XKR6: variants seen among roughly 807,000 people sequenced by gnomAD.
XKR6 encodes the protein XK related 6.
In XKR6, 22 loss-of-function variants were observed where a neutral mutation model predicts 56.7. That is an observed-to-expected ratio of 0.39 (90% CI 0.28 to 0.55). The LOEUF (loss-of-function observed/expected upper bound fraction) is 0.55. Among genes scored for constraint, XKR6 ranks in the 20% least tolerant of loss-of-function variants. The pLI, the probability that XKR6 is intolerant of heterozygous loss-of-function variation, is 0.66. For synonymous variants in XKR6, 524 were observed against 387.8 expected (o/e 1.35, Z -4.13); for missense variants, 852 against 889.0 (o/e 0.96, Z 0.53).
chr8:10,937,503 T>A (rs1469212717), intron 1 of XKR6, among the ~76,000 whole-genome samples: 6 of 149,408 alleles, frequency 4.0e-5, no homozygotes, highest in Admixed American at 3.3e-4. Context: ...CCAGTTTTTC[T>A]GTTCTGTTTT....
chr8:11,144,776 A>G (rs370075971), intron 1 of XKR6, among the ~76,000 whole-genome samples: 1 of 152,020 alleles, frequency 6.6e-6, no homozygotes, highest in East Asian at 1.9e-4. Flanking sequence ...CCGTAAGATA[A>G]TTAAAGTCCT....
At chr8:11,167,204 G>T (rs573987034) in intron 1 of XKR6, among the ~76,000 whole-genome samples, 28 of 152,256 alleles carry the variant, frequency 1.8e-4, no homozygotes, top group Admixed American at 3.3e-4. Flanking sequence ...CAGAACTCTG[G>T]AAAACAGTGA....
At chr8:10,947,019 T>C (rs904496642) in intron 1 of XKR6, among the ~76,000 whole-genome samples, 10 of 151,884 alleles carry the variant, frequency 6.6e-5, no homozygotes, top group Non-Finnish European at 1.5e-5. Context: ...GAAAGGGCCT[T>C]GGGAGCACAG....
At chr8:11,052,788 T>G (rs1799586374) in intron 1 of XKR6, among the ~76,000 whole-genome samples, 1 of 144,288 alleles carries the variant, frequency 6.9e-6, no homozygotes, top group African/African-American at 2.6e-5. Flanking sequence ...CCGGGAAAGC[T>G]TGGGGACCTC....
At chr8:11,068,945 C>T (rs1470182549) in intron 1 of XKR6, among the ~76,000 whole-genome samples, 2 of 152,246 alleles carry the variant, frequency 1.3e-5, no homozygotes, top group Non-Finnish European at 2.9e-5. Flanking sequence ...TCTGCCCCTC[C>T]CCAGGCTGCT....
At chr8:10,956,388 C>G (rs1157249282) in intron 1 of XKR6, among the ~76,000 whole-genome samples, 1 of 152,138 alleles carries the variant, frequency 6.6e-6, no homozygotes, top group Admixed American at 6.5e-5. Flanking sequence ...CCCTGGAGAC[C>G]CATCTGCAGG....
At chr8:11,187,822 T>C (rs931253575) in intron 1 of XKR6, among the ~76,000 whole-genome samples, 3 of 152,134 alleles carry the variant, frequency 2.0e-5, no homozygotes, top group Admixed American at 2.0e-4. Flanking sequence ...CAGAATAAAC[T>C]AACATCTCCA....
At chr8:11,172,799 C>T (rs946088338) in intron 1 of XKR6, among the ~76,000 whole-genome samples, 6 of 152,138 alleles carry the variant, frequency 3.9e-5, no homozygotes, top group Non-Finnish European at 8.8e-5. Context: ...GGCCAGAAAG[C>T]ATGCAGGCCC....
At chr8:11,143,293 T>C (rs1358254916) in intron 1 of XKR6, among the ~76,000 whole-genome samples, 3 of 152,220 alleles carry the variant, frequency 2.0e-5, no homozygotes, top group South Asian at 2.1e-4. Context: ...TGCCTGTGAA[T>C]AGCCTCTGAA....
rs770702843 is a variant in XKR6, at chr8:11,123,052, C to G, written c.764+77524G>C. Among the ~76,000 whole-genome samples, 9 of 152,184 alleles carry G rather than the reference C, an allele frequency of 5.9e-5. No individual in the cohort carries two copies. The South Asian group carries it at 1.9e-3, about 32-fold the overall frequency. On this transcript the variant is annotated intron_variant, in intron 1 of 2. Transcript: ENST00000416569. ...AGGAGTTCCAGACCAGCCCGGCCAACATGGTGAAACCTCGTCTCTACTAAA... is the reference window on the plus strand; with the variant it reads ...AGGAGTTCCAGACCAGCCCGGCCAAGATGGTGAAACCTCGTCTCTACTAAA...
intron 2 of XKR6, among the ~76,000 whole-genome samples, chr8:10,914,842 C>T (rs567842033): frequency 6.6e-6 from 1 of 152,214 alleles, no homozygotes; most frequent in Non-Finnish European, 1.5e-5. Context: ...GTACAGAGGT[C>T]CCCCTCCTCT....
chr8:10,905,439 G>C (rs553713208), intron 2 of XKR6, among the ~76,000 whole-genome samples: 2 of 152,174 alleles, frequency 1.3e-5, no homozygotes, highest in South Asian at 4.2e-4. Context: ...TTCCTGCCAG[G>C]TTTCTTATCC....
intron 1 of XKR6, among the ~76,000 whole-genome samples, chr8:11,022,639 G>A (rs1038942112): frequency 2.0e-5 from 3 of 152,094 alleles, no homozygotes; most frequent in African/African-American, 7.2e-5. Context: ...CCATCCCTAC[G>A]ACCCACAGAA....
intron 1 of XKR6, among the ~76,000 whole-genome samples, chr8:11,013,996 G>T (rs989562857): frequency 6.6e-6 from 1 of 152,200 alleles, no homozygotes; most frequent in Non-Finnish European, 1.5e-5. Context: ...TTGTCCAAAC[G>T]TGCCTTTACT....
At chr8:11,048,625 G>T (rs1799468533) in intron 1 of XKR6, among the ~76,000 whole-genome samples, 1 of 152,162 alleles carries the variant, frequency 6.6e-6, no homozygotes, top group Non-Finnish European at 1.5e-5. Context: ...GGTGAGGTTG[G>T]AGAAGAGCTA....
At chr8:10,951,439 G>A (rs926058501) in intron 1 of XKR6, among the ~76,000 whole-genome samples, 1 of 152,194 alleles carries the variant, frequency 6.6e-6, no homozygotes, top group African/African-American at 2.4e-5. Context: ...AGGCTGGGAA[G>A]GTGTGAGTGA....
intron 1 of XKR6, among the ~76,000 whole-genome samples, chr8:10,962,668 C>CAA (rs1802099393): frequency 6.6e-6 from 1 of 151,928 alleles, no homozygotes; most frequent in South Asian, 2.1e-4. Flanking sequence ...CTCTGTTGTC[C>CAA]AGCCTGGAGT....
chr8:11,197,719 C>G (rs1435309401), intron 1 of XKR6, among the ~76,000 whole-genome samples: 2 of 152,190 alleles, frequency 1.3e-5, no homozygotes, highest in Non-Finnish European at 2.9e-5. Context: ...CTTCCATGCT[C>G]CAATTTCAGC....
At chr8:11,091,688 A>G (rs957177259) in intron 1 of XKR6, among the ~76,000 whole-genome samples, 9 of 151,988 alleles carry the variant, frequency 5.9e-5, no homozygotes, top group Non-Finnish European at 1.0e-4. Flanking sequence ...AGAAATGTGG[A>G]GCAGGACATT....
Sources: gnomAD v4.1 joint callset for allele counts (sites outside exome capture counted in the v4.1 genomes callset) on GRCh38, gnomAD v4.1.1 for gene constraint, MANE v1.5 for transcripts, NCBI Gene and HGNC (gene_info 2026-07-23, HGNC 2026-07-21) for gene names.